Variants in IQCH observed in about 807,000 individuals in gnomAD.
The protein encoded by IQCH is IQ domain-containing protein H.
In IQCH, 98 loss-of-function variants were observed where a neutral mutation model predicts 117.0. That is an observed-to-expected ratio of 0.84 (90% CI 0.71 to 0.99). The LOEUF (loss-of-function observed/expected upper bound fraction) is 0.99. Among genes scored for constraint, IQCH ranks in the 50% least tolerant of loss-of-function variants. IQCH has a pLI of 0.00. For missense variants in IQCH, 1,102 were observed against 1,243.8 expected, an observed-to-expected ratio of 0.89 and a Z score of 1.72; for synonymous variants, 412 against 448.2, an observed-to-expected ratio of 0.92 and a Z score of 1.02.
chr15:67,280,115 A>T (rs763109347), intron 4 of IQCH, among the ~76,000 whole-genome samples: 1 of 152,244 alleles, frequency 6.6e-6, no homozygotes, highest in Non-Finnish European at 1.5e-5. Context: ...TTTGTGTTCT[A>T]AGTTAGAAAA....
chr15:67,352,618 C>T (rs777230098), intron 6 of IQCH, among the ~76,000 whole-genome samples: 3 of 136,070 alleles, frequency 2.2e-5, no homozygotes, highest in Non-Finnish European at 4.9e-5. Flanking sequence ...ATTATATCTG[C>T]TATTGAGGAG....
chr15:67,335,248 C>G (rs1968840135), intron 4 of IQCH, among the ~76,000 whole-genome samples: 1 of 152,164 alleles, frequency 6.6e-6, no homozygotes, highest in Admixed American at 6.5e-5. Flanking sequence ...TTTGTGTCAT[C>G]CTTTATGTTG....
intron 3 of IQCH, among the ~76,000 whole-genome samples, chr15:67,272,004 A>G (rs553273893): frequency 6.6e-6 from 1 of 152,064 alleles, no homozygotes; most frequent in Admixed American, 6.5e-5. Context: ...GAGGTGCATC[A>G]TTAGGTTGTG....
intron 6 of IQCH, among the ~76,000 whole-genome samples, chr15:67,353,585 C>A (rs1969764135): frequency 6.6e-6 from 1 of 152,022 alleles, no homozygotes; most frequent in African/African-American, 2.4e-5. Context: ...GTCTCAAACT[C>A]CTGAGCTCAG....
intron 3 of IQCH, among the ~76,000 whole-genome samples, chr15:67,275,755 C>T (rs1035907880): frequency 5.9e-5 from 9 of 152,064 alleles, no homozygotes; most frequent in African/African-American, 1.9e-4. Context: ...TGGCATGTGC[C>T]TGTAGTCCCA....
chr15:67,472,373 G>C lies in IQCH; in HGVS notation c.2677-3323G>C, dbSNP rs951174256. 1.3e-5 allele frequency among the ~76,000 whole-genome samples: 2 copies of C among 152,146 alleles called. No individual in the cohort carries two copies. The highest frequency in any genetic ancestry group is 2.9e-5 in the Non-Finnish European group (2 of 68,032). ...GGTCTACCCACCACACCAGGGTCTA[G>C]ATTTCACCGTGAAGGCAAAAAGGCC... On this transcript the variant is annotated intron_variant, in intron 17 of 20. Coordinates refer to ENST00000335894, the MANE Select transcript of IQCH (RefSeq NM_001031715.3). This position sits in a 1 kb window ranked among gnomAD's most constrained non-coding sequence, Gnocchi z 4.3.
At chr15:67,420,614 G>A (rs2081711845) in intron 15 of IQCH, among the ~76,000 whole-genome samples, 1 of 152,174 alleles carries the variant, frequency 6.6e-6, no homozygotes, top group Non-Finnish European at 1.5e-5. Context: ...CCAGAAAGAT[G>A]TTATTGCTGT....
In IQCH at chr15:67,491,020, C is replaced by T. The variant is rs1394174460; in HGVS notation, c.2861+956C>T. On this transcript the variant is annotated intron_variant, in intron 19 of 20. Transcript: ENST00000335894. The surrounding 1 kb of genome is among the most constrained non-coding windows in gnomAD (Gnocchi z 4.9). ...TAAGTCATCCTACCTAATTGGGAAA[C>T]TGTCTCTGCCCTCTATTTCTCTTCC... Among the ~76,000 whole-genome samples, 1 of 152,208 alleles carries T rather than the reference C, an allele frequency of 6.6e-6. No homozygotes were observed. The highest frequency in any genetic ancestry group is 1.5e-5 in the Non-Finnish European group (1 of 68,036).
intron 4 of IQCH, among the ~76,000 whole-genome samples, chr15:67,316,794 A>G (rs541859211): frequency 5.3e-5 from 8 of 152,284 alleles, no homozygotes; most frequent in African/African-American, 1.9e-4. Context: ...TTCAAACTCA[A>G]CCAGTCGGAC....
chr15:67,465,039 A>T lies in IQCH; in HGVS notation c.2506-88A>T. 1 of 1,215,778 alleles carries T rather than the reference A, an allele frequency of 8.2e-7. No individual in the cohort carries two copies. Among genetic ancestry groups the T allele is most frequent in the Non-Finnish European group, 1.2e-6 (1 of 845,768 alleles). 75.3% of individuals were successfully genotyped at this position (1,215,778 alleles called of 1,614,324 possible). On this transcript the variant is annotated intron_variant, in intron 16 of 20. Transcript: ENST00000335894. The surrounding 1 kb of genome is among the most constrained non-coding windows in gnomAD (Gnocchi z 5.9). ...ATGGTCACTGGTTTCACTTAGTCTG[A>T]TGTAGTTTGGTCTGGTTAGGCAGAG...
chr15:67,494,260 C>T lies in IQCH; in HGVS notation c.2864C>T (p.Thr955Ile). 1 of 1,604,796 alleles carries T rather than the reference C, an allele frequency of 6.2e-7. No individual in the cohort carries two copies. Among genetic ancestry groups the T allele is most frequent in the Non-Finnish European group, 8.5e-7 (1 of 1,176,964 alleles). The stretch of plus-strand genomic sequence containing the variant: ...ATTTGTTTGGATATCATTAACAGAA[C>T]AATCGGCGAGGATCTCCAGGGGGTC... Reference protein sequence around the residue: ...HLKRHKLGMLTIGEDLQGVLM... With the variant: ...HLKRHKLGMLIIGEDLQGVLM... The change falls in exon 20 of 21, where the codon ACA (threonine) becomes ATA (isoleucine). Residue 955 changes from threonine to isoleucine, a missense_variant and splice_region_variant. Thr to Ile is a moderately conservative substitution (Grantham distance 89). Transcript: ENST00000335894. This position sits in a 1 kb window ranked among gnomAD's most constrained non-coding sequence, Gnocchi z 5.5.
chr15:67,296,405 C>A (rs1966852680), intron 4 of IQCH, among the ~76,000 whole-genome samples: 1 of 152,044 alleles, frequency 6.6e-6, no homozygotes, highest in African/African-American at 2.4e-5. Flanking sequence ...GTCCTCAGAG[C>A]TGTTAGGAAG....
chr15:67,280,850 T>TTAC (rs148040542), intron 4 of IQCH, among the ~76,000 whole-genome samples: 68,295 of 151,184 alleles, frequency 0.45, 15,879 homozygotes, highest in Non-Finnish European at 0.52. Context: ...ATTATTATTA[T>TTAC]TATTATTATT....
At chr15:67,258,388 G>A (rs979774294) in intron 1 of IQCH, among the ~76,000 whole-genome samples, 35 of 151,662 alleles carry the variant, frequency 2.3e-4, no homozygotes, top group African/African-American at 8.0e-4. Context: ...AAAATTAGCC[G>A]AGCGTGGTGG....
intron 4 of IQCH, among the ~76,000 whole-genome samples, chr15:67,296,659 G>A (rs1349924787): frequency 6.6e-6 from 1 of 152,110 alleles, no homozygotes; most frequent in East Asian, 1.9e-4. Flanking sequence ...AATCTGATAG[G>A]ATGATAGGAA....
Position 67,426,288 on chromosome 15 carries a change from C to T in IQCH, c.2505+4711C>T, listed in dbSNP as rs540042592. ...ATATAAACACACATATGTACATATA[C>T]ATACATCTGTGCATCTATAACTATT... On this transcript the variant is annotated intron_variant, in intron 16 of 20. Transcript: ENST00000335894. The surrounding 1 kb of genome is among the most constrained non-coding windows in gnomAD (Gnocchi z 5.1). Among the ~76,000 whole-genome samples the T allele has an allele frequency of 1.3e-5, 2 of 152,284 alleles. No individual in the cohort carries two copies. Among genetic ancestry groups the T allele is most frequent in the Admixed American group, 1.3e-4 (2 of 15,296 alleles).
intron 4 of IQCH, among the ~76,000 whole-genome samples, chr15:67,299,141 T>C (rs997059600): frequency 6.6e-6 from 1 of 150,756 alleles, no homozygotes; most frequent in Non-Finnish European, 1.5e-5. Flanking sequence ...CTGGAGATCA[T>C]TATGTTAAGT....
rs568583433 is a variant in IQCH, at chr15:67,377,442, C to A, written c.1372+4009C>A. 1.3e-4 allele frequency among the ~76,000 whole-genome samples: 20 copies of A among 152,176 alleles called. No homozygotes were observed. The South Asian group carries it at 3.3e-3, about 25-fold the overall frequency. Reference sequence around the variant, plus strand: ...TATTAGGGTCTATTTTAAGCAAAATCTATCAATCAAATGAGAAAGAACCTG... The same window carrying A: ...TATTAGGGTCTATTTTAAGCAAAATATATCAATCAAATGAGAAAGAACCTG... On this transcript the variant is annotated intron_variant, in intron 10 of 20. Transcript: ENST00000335894.
rs113635338 is a variant in IQCH at position 67,470,303 on chromosome 15, G to A, written c.2676+5006G>A. Among the ~76,000 whole-genome samples, 1,437 of 152,182 alleles carry A rather than the reference G, an allele frequency of 9.4e-3. 34 individuals carry two copies. Among genetic ancestry groups the A allele is most frequent in the African/African-American group, 0.031 (1,302 of 41,502 alleles). On this transcript the variant is annotated intron_variant, in intron 17 of 20. Transcript: ENST00000335894. ...GTTCATACTCCTGCCTCAGCCTCCC[G>A]AGTAGCTGGGACTACAGGCGCCCGC...
Sources: gnomAD v4.1 joint callset for allele counts (sites outside exome capture counted in the v4.1 genomes callset) on GRCh38, gnomAD v4.1.1 for gene constraint, Gnocchi (gnomAD v3.1) non-coding constraint, MANE v1.5 for transcripts, NCBI Gene and HGNC (gene_info 2026-07-23, HGNC 2026-07-21) for gene names.